The following IL1R1 variants were observed in gnomAD, a reference collection of about 807,000 sequenced individuals.
The protein encoded by IL1R1 is interleukin 1 receptor type 1.
In IL1R1, 22 loss-of-function variants were observed where a neutral mutation model predicts 50.2. That is an observed-to-expected ratio of 0.44 (90% CI 0.31 to 0.63). The LOEUF is 0.63. Among genes scored for constraint, IL1R1 ranks in the 20% least tolerant of loss-of-function variants. The pLI, the probability that IL1R1 is intolerant of heterozygous loss-of-function variation, is 0.07. For missense variants in IL1R1, 509 were observed against 676.2 expected (o/e 0.75, Z 2.74); for synonymous variants, 251 against 236.7 (o/e 1.06, Z -0.55).
At position 102,176,499 on chromosome 2, in the gene IL1R1, A is replaced by C. The variant is rs943347299; in HGVS notation, c.1450A>C (p.Lys484Gln). Residue 484 changes from lysine to glutamine, a missense_variant, in exon 12 of 12, where the codon AAA (lysine) becomes CAA (glutamine). Coordinates refer to ENST00000410023, the MANE Select transcript of IL1R1 (RefSeq NM_000877.4). ...MYNALVQDGI[K>Q]VVLLELEKIQ... ...TAATGCTCTTGTTCAGGATGGAATT[A>C]AAGTTGTCCTGCTTGAGCTGGAGAA... 1.9e-6 allele frequency: 3 copies of C among 1,614,140 alleles called. No individual in the cohort carries two copies. Among genetic ancestry groups the C allele is most frequent in the Admixed American group, 1.7e-5 (1 of 60,012 alleles).
chr2:102,089,611 A>C (rs1439406133), intron 1 of IL1R1, among the ~76,000 whole-genome samples: 1 of 152,016 alleles, frequency 6.6e-6, no homozygotes, highest in Non-Finnish European at 1.5e-5. Context: ...CAAAACAAAA[A>C]CCCCCACAGT....
In IL1R1 at chr2:102,175,466, T is replaced by C. The variant is rs780138027; in HGVS notation, c.1136-12T>C. 1.9e-6 allele frequency: 3 copies of C among 1,609,226 alleles called. No individual in the cohort carries two copies. Among genetic ancestry groups the C allele is most frequent in the East Asian group, 4.5e-5 (2 of 44,840 alleles). On this transcript the variant is annotated splice_polypyrimidine_tract_variant and intron_variant, in intron 10 of 11. Coordinates refer to ENST00000410023, the MANE Select transcript of IL1R1 (RefSeq NM_000877.4). The stretch of plus-strand genomic sequence containing the variant: ...GCCTTGTGGTTCTAAATACATTATG[T>C]TTTTCCTTTAGCTTCAGATGGAAAG...
At chr2:102,173,643 G>A (rs186141180) in intron 9 of IL1R1, among the ~76,000 whole-genome samples, 348 of 152,228 alleles carry the variant, frequency 2.3e-3, no homozygotes, top group Non-Finnish European at 3.9e-3. Flanking sequence ...TGAAAGACTC[G>A]ATATTATGAA....
intron 1 of IL1R1, among the ~76,000 whole-genome samples, chr2:102,136,566 C>T (rs375372907): frequency 7.2e-4 from 110 of 151,936 alleles, no homozygotes; most frequent in Middle Eastern, 3.4e-3. Flanking sequence ...TTAGTAGAGA[C>T]GGGGTTTCCC....
intron 1 of IL1R1, among the ~76,000 whole-genome samples, chr2:102,128,524 G>A (rs1034342110): frequency 1.8e-4 from 27 of 152,138 alleles, no homozygotes; most frequent in Non-Finnish European, 2.6e-4. Flanking sequence ...CCAATAAGCT[G>A]GGGACTATTG....
At chr2:102,071,500 C>T (rs868129450) in intron 1 of IL1R1, among the ~76,000 whole-genome samples, 1 of 152,158 alleles carries the variant, frequency 6.6e-6, no homozygotes, top group Non-Finnish European at 1.5e-5. Flanking sequence ...TTATTCAGTT[C>T]CCTGGTGATG....
At chr2:102,152,616 C>G (rs945427314) in intron 1 of IL1R1, among the ~76,000 whole-genome samples, 1 of 151,742 alleles carries the variant, frequency 6.6e-6, no homozygotes, top group African/African-American at 2.4e-5. Context: ...TCCCCTCCCC[C>G]TCCCCCTCTC....
At chr2:102,167,943 A>G (rs575114038) in intron 6 of IL1R1, among the ~76,000 whole-genome samples, 17 of 152,138 alleles carry the variant, frequency 1.1e-4, no homozygotes, top group Non-Finnish European at 2.1e-4. Context: ...TGTAATAGGT[A>G]TACATTAGGG....
intron 1 of IL1R1, among the ~76,000 whole-genome samples, chr2:102,074,608 G>C (rs1678882628): frequency 6.6e-6 from 1 of 152,174 alleles, no homozygotes; most frequent in Non-Finnish European, 1.5e-5. Flanking sequence ...TTCAAGCTGG[G>C]AGGAAAACAA....
At chr2:102,133,264 C>A (rs561622219) in intron 1 of IL1R1, among the ~76,000 whole-genome samples, 3 of 129,330 alleles carry the variant, frequency 2.3e-5, no homozygotes, top group Non-Finnish European at 5.0e-5. Flanking sequence ...AAAAAAAAAT[C>A]TTCCCACAAG....
At chr2:102,140,183 A>T (rs1314666076), upstream of IL1R1, among the ~76,000 whole-genome samples, 3 of 152,346 alleles carry the variant, frequency 2.0e-5, no homozygotes, top group East Asian at 5.8e-4. Context: ...AAGGAAAAAA[A>T]ACATAAAATA....
intron 1 of IL1R1, among the ~76,000 whole-genome samples, chr2:102,072,191 T>C (rs1054488257): frequency 2.1e-5 from 3 of 145,016 alleles, no homozygotes; most frequent in East Asian, 2.0e-4. Flanking sequence ...ACCCGGGAGG[T>C]GGAGGTTGCA....
At chr2:102,139,413 T>C (rs1045079547), upstream of IL1R1, among the ~76,000 whole-genome samples, 1 of 152,242 alleles carries the variant, frequency 6.6e-6, no homozygotes, top group Admixed American at 6.5e-5. Flanking sequence ...ACCCTGGTGG[T>C]GTCCAGAACT....
chr2:102,071,978 C>T (rs149155764), intron 1 of IL1R1, among the ~76,000 whole-genome samples: 6 of 152,124 alleles, frequency 3.9e-5, no homozygotes, highest in Admixed American at 2.0e-4. Context: ...TGTACTTGGC[C>T]GGGTGTGGTA....
At chr2:102,167,872 C>T (rs528880062) in intron 6 of IL1R1, among the ~76,000 whole-genome samples, 1 of 152,256 alleles carries the variant, frequency 6.6e-6, no homozygotes, top group Admixed American at 6.5e-5. Flanking sequence ...TGATGCCTAG[C>T]ACTTTTTGTT....
At chr2:102,125,391 T>C (rs573446128) in intron 1 of IL1R1, among the ~76,000 whole-genome samples, 1 of 152,348 alleles carries the variant, frequency 6.6e-6, no homozygotes, top group African/African-American at 2.4e-5. Flanking sequence ...TGTCTCCTGT[T>C]CTTCTTGGTC....
At chr2:102,084,243 G>A (rs756059890) in intron 1 of IL1R1, among the ~76,000 whole-genome samples, 2 of 152,194 alleles carry the variant, frequency 1.3e-5, no homozygotes, top group African/African-American at 2.4e-5. Flanking sequence ...TCTTTTGTGC[G>A]TTTCCTCCTT....
chr2:102,146,582 C>T (rs766955892), intron 1 of IL1R1, among the ~76,000 whole-genome samples: 13 of 152,078 alleles, frequency 8.5e-5, no homozygotes, highest in Admixed American at 4.6e-4. Context: ...GAATGACTCT[C>T]GGTTAAGGTC....
At chr2:102,168,533 G>A in intron 6 of IL1R1, 65 bp from the exon 7 acceptor site, 2 of 1,270,842 alleles carry the variant, frequency 1.6e-6, no homozygotes, top group East Asian at 4.6e-5. Context: ...TTTGCTAAGT[G>A]TTGTCGTCAC....
Sources: gnomAD v4.1 joint callset for allele counts (sites outside exome capture counted in the v4.1 genomes callset) on GRCh38, gnomAD v4.1.1 for gene constraint, MANE v1.5 for transcripts, NCBI Gene and HGNC (gene_info 2026-07-23, HGNC 2026-07-21) for gene names.